Variants in SUGT1 observed in about 807,000 individuals in gnomAD.
The protein encoded by SUGT1 is SGT1 assembly cochaperone of MIS12 kinetochore complex.
SUGT1 carries 15 observed loss-of-function variants against 56.1 expected under a neutral mutation model. The observed-to-expected ratio is 0.27, with a 90% CI of 0.18 to 0.41. SUGT1 has a LOEUF of 0.41. Among genes scored for constraint, SUGT1 ranks in the 10% least tolerant of loss-of-function variants. SUGT1 has a pLI of 1.00. For missense variants in SUGT1, 347 were observed against 382.2 expected, an observed-to-expected ratio of 0.91 and a Z score of 0.77; for synonymous variants, 123 against 128.6, an observed-to-expected ratio of 0.96 and a Z score of 0.30.
At chr13:52,683,318 T>C (rs148922505) in intron 12 of SUGT1, among the ~76,000 whole-genome samples, 2 of 152,340 alleles carry the variant, frequency 1.3e-5, no homozygotes, top group South Asian at 2.1e-4. Flanking sequence ...TATCATTAAC[T>C]TTCAATATTA....
chr13:52,671,518 T>C (rs1962936118), intron 10 of SUGT1, among the ~76,000 whole-genome samples: 1 of 152,200 alleles, frequency 6.6e-6, no homozygotes, highest in African/African-American at 2.4e-5. Context: ...CTATGAATTA[T>C]CTCATGTAAT....
intron 2 of SUGT1, among the ~76,000 whole-genome samples, chr13:52,654,193 C>T (rs1022163891): frequency 6.6e-6 from 1 of 152,176 alleles, no homozygotes; most frequent in Non-Finnish European, 1.5e-5. Context: ...GTGTTTTTTA[C>T]ACCTAAATAT....
intron 3 of SUGT1, 86 bp downstream of exon 3, chr13:52,657,708 A>G: frequency 8.1e-7 from 1 of 1,234,794 alleles, no homozygotes; most frequent in Non-Finnish European, 1.1e-6. Flanking sequence ...TGTCTTTGAG[A>G]ATTTTTAAAT....
chr13:52,676,952 A>T (rs7325840), intron 11 of SUGT1, among the ~76,000 whole-genome samples: 145,698 of 152,284 alleles, frequency 0.96, 69,716 homozygotes, highest in East Asian at 0.99. Flanking sequence ...TCTAGTGGAC[A>T]AATTCACAGC....
intron 4 of SUGT1, among the ~76,000 whole-genome samples, chr13:52,658,849 A>G (rs754159281): frequency 7.3e-5 from 11 of 151,334 alleles, no homozygotes; most frequent in Non-Finnish European, 1.5e-4. Context: ...AAAGCGCTAT[A>G]TCTGTATACT....
At chr13:52,663,651 A>C (rs1962559045) in intron 7 of SUGT1, among the ~76,000 whole-genome samples, 1 of 152,204 alleles carries the variant, frequency 6.6e-6, no homozygotes, top group Admixed American at 6.5e-5. Flanking sequence ...CTGTTTCTTT[A>C]AAACGATTTT....
chr13:52,664,353 A>G (rs1360496348), intron 8 of SUGT1, among the ~76,000 whole-genome samples: 1 of 152,208 alleles, frequency 6.6e-6, no homozygotes, highest in Non-Finnish European at 1.5e-5. Flanking sequence ...ATGTTACTAC[A>G]CAGGTAAACA....
Position 52,700,568 on chromosome 13 carries a change from T to TTTGTA in SUGT1, c.*12733_*12734insTTGTA, listed in dbSNP as rs1964052969. ...GCATGTGTATTTGTACAAAAGCCCT[T>TTTGTA]CAAAAGGAGTTCAGCTTTTATAAAC... On this transcript the variant is annotated 3_prime_UTR_variant, in exon 13 of 13. Coordinates refer to ENST00000310528, the MANE Select transcript of SUGT1 (RefSeq NM_006704.5). 6.6e-5 allele frequency: 10 copies of TTTGTA among 152,106 alleles called. No homozygotes were observed. Among genetic ancestry groups the TTTGTA allele is most frequent in the Admixed American group, 6.6e-4 (10 of 15,248 alleles). 9.4% of individuals were successfully genotyped at this position (152,106 alleles called of 1,614,324 possible).
In SUGT1 at chr13:52,689,958, C is replaced by CA. The variant is rs35433911; in HGVS notation, c.*2131dup. The CA allele has an allele frequency of 0.95, 142,769 of 150,528 alleles. 67,718 individuals are homozygous for CA. Among genetic ancestry groups the CA allele is most frequent in the East Asian group, 0.98 (4,983 of 5,106 alleles). The allele number at this position is 150,528 out of a possible 1,614,324, so 9.3% of individuals were successfully genotyped here. A position where few individuals can be genotyped will look rare whatever the true frequency, so the allele number is the denominator to read the frequency against. On this transcript the variant is annotated 3_prime_UTR_variant, in exon 13 of 13. Coordinates refer to ENST00000310528, the MANE Select transcript of SUGT1 (RefSeq NM_006704.5). ...CACTCCAGCCTGGGCGACTCCATCT[C>CA]AAAAAAAATAAATAGCTGTTTAAAA... is the stretch of plus-strand genomic sequence containing the variant.
chr13:52,663,078 C>G lies in SUGT1; in HGVS notation c.383-18C>G, dbSNP rs1435502679. 6.2e-7 allele frequency: 1 copy of G among 1,604,100 alleles called. No homozygotes were observed. The highest frequency in any genetic ancestry group is 8.5e-7 in the Non-Finnish European group (1 of 1,176,262). ...ATGCACTGTTCCCTGAAAATGTTTC[C>G]TTTTTATGTTTTAATAGGCTCAGAA... On this transcript the variant is annotated intron_variant, in intron 6 of 12. Transcript: ENST00000310528.
At chr13:52,681,781 G>A (rs944041094) in intron 12 of SUGT1, among the ~76,000 whole-genome samples, 1 of 151,232 alleles carries the variant, frequency 6.6e-6, no homozygotes, top group Non-Finnish European at 1.5e-5. Flanking sequence ...GTTGCAGTGA[G>A]CTATGATCGT....
At chr13:52,675,866 T>G in intron 10 of SUGT1, among the ~76,000 whole-genome samples, 1 of 152,256 alleles carries the variant, frequency 6.6e-6, no homozygotes, top group South Asian at 2.1e-4. Flanking sequence ...TAGATGTCAT[T>G]ATCACCTCTT....
At chr13:52,660,728 G>A (rs1594232364) in intron 5 of SUGT1, among the ~76,000 whole-genome samples, 1 of 152,216 alleles carries the variant, frequency 6.6e-6, no homozygotes, top group African/African-American at 2.4e-5. Flanking sequence ...AAATTCTAGA[G>A]TGAAGTTATG....
intron 12 of SUGT1, chr13:52,687,100 C>A: frequency 7.7e-6 from 1 of 130,526 alleles, no homozygotes; most frequent in South Asian, 2.5e-4. Context: ...AAAGAAATGT[C>A]CAGATGGTTT....
At chr13:52,662,821 CT>C in intron 6 of SUGT1, 119 bp downstream of exon 6, 1 of 1,048,632 alleles carries the variant, frequency 9.5e-7, no homozygotes, top group Non-Finnish European at 1.4e-6. Context: ...TATACGTTTC[CT>C]TAGATGTGGA....
chr13:52,655,212 G>A (rs1056337470), intron 2 of SUGT1, among the ~76,000 whole-genome samples: 6 of 152,176 alleles, frequency 3.9e-5, no homozygotes, highest in African/African-American at 1.4e-4. Flanking sequence ...GGGCATGGTG[G>A]TGGGCAGCCG....
At chr13:52,668,474 T>C (rs1962805678) in intron 10 of SUGT1, among the ~76,000 whole-genome samples, 2 of 152,016 alleles carry the variant, frequency 1.3e-5, no homozygotes, top group African/African-American at 4.8e-5. Flanking sequence ...AGTGAAGTAG[T>C]TTTTTGCATC....
Position 52,695,081 on chromosome 13 carries a change from A to G in SUGT1, c.*7246A>G, listed in dbSNP as rs1963889402. 1 of 152,326 alleles carries G rather than the reference A, an allele frequency of 6.6e-6. No homozygotes were observed. The highest frequency in any genetic ancestry group is 2.1e-4 in the South Asian group (1 of 4,824). The allele number at this position is 152,326 out of a possible 1,614,324, so 9.4% of individuals were successfully genotyped here. On this transcript the variant is annotated 3_prime_UTR_variant, in exon 13 of 13. Coordinates refer to ENST00000310528, the MANE Select transcript of SUGT1 (RefSeq NM_006704.5). ...AGCATATACAAGTGTGTAGACATTA[A>G]TATGGGCTCACTGTCAGCTGGGAGT... is the stretch of plus-strand genomic sequence containing the variant.
intron 10 of SUGT1, among the ~76,000 whole-genome samples, chr13:52,669,702 A>G (rs958890095): frequency 1.3e-5 from 2 of 152,180 alleles, no homozygotes; most frequent in Non-Finnish European, 2.9e-5. Context: ...TCTGTATTTT[A>G]TATACCATAT....
Sources: gnomAD v4.1 joint callset for allele counts (sites outside exome capture counted in the v4.1 genomes callset) on GRCh38, gnomAD v4.1.1 for gene constraint, MANE v1.5 for transcripts, NCBI Gene and HGNC (gene_info 2026-07-23, HGNC 2026-07-21) for gene names.